PDZD2: variants seen among roughly 807,000 people sequenced by gnomAD.
The protein encoded by PDZD2 is PDZ domain-containing protein 2.
PDZD2 carries 90 observed loss-of-function variants against 220.7 expected under a neutral mutation model. The observed-to-expected ratio is 0.41, with a 90% confidence interval of 0.34 to 0.49. The LOEUF (loss-of-function observed/expected upper bound fraction) is 0.49, where lower values mean the gene tolerates loss of function less well. PDZD2 is among the 20% of genes least tolerant of loss of function. The probability of loss-of-function intolerance (pLI) is 0.28; values close to 1 mark genes in which losing one functional copy is unlikely to be tolerated. For missense variants in PDZD2, 3,174 were observed against 3,608.5 expected, an observed-to-expected ratio of 0.88 and a Z score of 3.08; for synonymous variants, 1,375 against 1,450.5, an observed-to-expected ratio of 0.95 and a Z score of 1.18.
intron 19 of PDZD2, 146 bp from the exon 20 acceptor site, chr5:32,086,985 A>G (rs2112460019): frequency 1.7e-6 from 1 of 580,998 alleles, no homozygotes; most frequent in East Asian, 2.9e-5. Flanking sequence ...CACCACGCCC[A>G]GCTTTCTGAA....
At chr5:32,091,354 G>A (rs372030044) in intron 20 of PDZD2, among the ~76,000 whole-genome samples, 179 bp downstream of exon 20, 14 of 143,510 alleles carry the variant, frequency 9.8e-5, no homozygotes, top group Non-Finnish European at 1.3e-4. Flanking sequence ...GCGCGATCTC[G>A]GCTCACTGCA....
intron 1 of PDZD2, among the ~76,000 whole-genome samples, chr5:31,725,058 C>T (rs577368363): frequency 3.5e-4 from 53 of 152,046 alleles, no homozygotes; most frequent in Admixed American, 3.0e-3. Context: ...CAGCCAGGCA[C>T]GGTGGCTCAC....
At chr5:31,711,061 C>A (rs964648215) in intron 1 of PDZD2, among the ~76,000 whole-genome samples, 1 of 152,154 alleles carries the variant, frequency 6.6e-6, no homozygotes, top group Non-Finnish European at 1.5e-5. Context: ...TCCCAGCTGC[C>A]GAGTCTCTCT....
At chr5:31,668,987 A>G (rs1372534284) in intron 1 of PDZD2, among the ~76,000 whole-genome samples, 1 of 151,734 alleles carries the variant, frequency 6.6e-6, no homozygotes, top group Non-Finnish European at 1.5e-5. Context: ...GTAAAAGCAA[A>G]CCTCCATTAC....
intron 1 of PDZD2, among the ~76,000 whole-genome samples, chr5:31,763,870 TA>T (rs67321443): frequency 0.5 from 68,194 of 137,360 alleles, 16,637 homozygotes; most frequent in East Asian, 0.85. Flanking sequence ...GCCCTCTGAT[TA>T]AAAAAAAAAA....
In PDZD2 at chr5:31,962,486, A is replaced by G. The variant is rs978196472; in HGVS notation, c.477-20669A>G. Reference sequence around the variant, plus strand: ...TAGGAGGAAATGTCTGCAGAGAGTCAGGGTGTGAAGTGTTAATAGCAAGAA... The same window carrying G: ...TAGGAGGAAATGTCTGCAGAGAGTCGGGGTGTGAAGTGTTAATAGCAAGAA... On this transcript the variant is annotated intron_variant, in intron 2 of 24. Transcript: ENST00000438447. Among the ~76,000 whole-genome samples the G allele has an allele frequency of 5.0e-4, 76 of 151,914 alleles. 1 individual carries two copies. Among genetic ancestry groups the G allele is most frequent in the African/African-American group, 8.0e-4 (33 of 41,476 alleles).
intron 2 of PDZD2, among the ~76,000 whole-genome samples, chr5:31,932,435 G>C (rs1352902737): frequency 1.3e-5 from 2 of 152,124 alleles, no homozygotes; most frequent in African/African-American, 2.4e-5. Flanking sequence ...TGTAATCCCA[G>C]GTACCCGGGA....
intron 2 of PDZD2, among the ~76,000 whole-genome samples, chr5:31,971,799 C>A (rs1749321611): frequency 6.6e-6 from 1 of 152,130 alleles, no homozygotes; most frequent in South Asian, 2.1e-4. Flanking sequence ...AGGTCTTTAA[C>A]AACAGCCTAG....
intron 2 of PDZD2, among the ~76,000 whole-genome samples, chr5:31,879,231 G>C (rs1203648301): frequency 9.2e-5 from 14 of 151,622 alleles, no homozygotes; most frequent in Non-Finnish European, 1.0e-4. Flanking sequence ...ACTAAAAATA[G>C]AAAAAATTAG....
chr5:31,998,166 G>GT (rs1751792095), intron 4 of PDZD2, among the ~76,000 whole-genome samples: 2 of 152,290 alleles, frequency 1.3e-5, no homozygotes, highest in African/African-American at 4.8e-5. Context: ...CTGAACCATT[G>GT]TGTTCTTGAT....
intron 14 of PDZD2, among the ~76,000 whole-genome samples, chr5:32,063,713 A>G (rs1739914704): frequency 6.6e-6 from 1 of 152,264 alleles, no homozygotes; most frequent in Non-Finnish European, 1.5e-5. Context: ...ATGTATCTCA[A>G]GAAACTTGCA....
chr5:31,658,641 A>G (rs1023888345), intron 1 of PDZD2, among the ~76,000 whole-genome samples: 26 of 147,362 alleles, frequency 1.8e-4, no homozygotes, highest in Non-Finnish European at 9.0e-5. Flanking sequence ...TTTTTTTGAG[A>G]CGGAGTCTCA....
intron 1 of PDZD2, among the ~76,000 whole-genome samples, chr5:31,737,498 G>C (rs565526419): frequency 1.3e-5 from 2 of 152,256 alleles, no homozygotes; most frequent in African/African-American, 4.8e-5. Flanking sequence ...TATAGGGAAA[G>C]GATCTGAGGC....
intron 1 of PDZD2, among the ~76,000 whole-genome samples, chr5:31,778,786 A>G (rs908791539): frequency 1.3e-5 from 2 of 152,110 alleles, no homozygotes; most frequent in Admixed American, 6.6e-5. Flanking sequence ...ACCCAGCCAC[A>G]TGGTGTTTTT....
intron 4 of PDZD2, among the ~76,000 whole-genome samples, chr5:31,998,607 T>C (rs934552008): frequency 2.6e-5 from 4 of 152,212 alleles, no homozygotes; most frequent in Non-Finnish European, 5.9e-5. Flanking sequence ...GGCAGCACCC[T>C]AGGTGCTGAT....
intron 2 of PDZD2, among the ~76,000 whole-genome samples, chr5:31,829,643 A>G (rs1474106046): frequency 2.0e-5 from 3 of 152,064 alleles, no homozygotes; most frequent in Non-Finnish European, 4.4e-5. Flanking sequence ...TATATTAACC[A>G]TCACCCAAAC....
chr5:31,847,428 T>A (rs1279952530), intron 2 of PDZD2: 1 of 521,574 alleles, frequency 1.9e-6, no homozygotes, highest in African/African-American at 1.9e-5. Context: ...AGGATGAGAG[T>A]TCGCGTAACA....
At chr5:31,899,863 A>G (rs566936552) in intron 2 of PDZD2, among the ~76,000 whole-genome samples, 1 of 152,340 alleles carries the variant, frequency 6.6e-6, no homozygotes, top group African/African-American at 2.4e-5. Context: ...TCTGTGAACC[A>G]GAAAGTGACT....
chr5:31,995,782 AC>A, intron 4 of PDZD2, 64 bp downstream of exon 4: 4 of 1,432,074 alleles, frequency 2.8e-6, no homozygotes, highest in Non-Finnish European at 3.9e-6. Context: ...CTCCCTCCCC[AC>A]TGGTGCAGGT....
Sources: gnomAD v4.1 joint callset for allele counts (sites outside exome capture counted in the v4.1 genomes callset) on GRCh38, gnomAD v4.1.1 for gene constraint, MANE v1.5 for transcripts, NCBI Gene and HGNC (gene_info 2026-07-23, HGNC 2026-07-21) for gene names.